The following NTN1 variants were observed in gnomAD, a reference collection of about 807,000 sequenced individuals.
The protein encoded by NTN1 is netrin 1, also known as netrin-1.
A neutral mutation model predicts 54.2 loss-of-function variants in NTN1; 11 were observed. The ratio of observed to expected loss-of-function variants is 0.20; its 90% CI spans 0.13 to 0.34. NTN1 has a LOEUF of 0.34. Among genes scored for constraint, NTN1 ranks in the 10% least tolerant of loss-of-function variants. The pLI, the probability that NTN1 is intolerant of heterozygous loss-of-function variation, is 1.00. For synonymous variants in NTN1, 371 were observed against 382.0 expected, an observed-to-expected ratio of 0.97 and a Z score of 0.33; for missense variants, 740 against 893.1, an observed-to-expected ratio of 0.83 and a Z score of 2.18.
intron 2 of NTN1, among the ~76,000 whole-genome samples, chr17:9,147,479 A>C (rs140528705): frequency 6.6e-6 from 1 of 152,132 alleles, no homozygotes; most frequent in Non-Finnish European, 1.5e-5. Flanking sequence ...GAGCCACTGC[A>C]CTCCAGCCTG....
chr17:9,029,850 G>A (rs2091883457), intron 2 of NTN1, among the ~76,000 whole-genome samples: 2 of 152,082 alleles, frequency 1.3e-5, no homozygotes, highest in Admixed American at 1.3e-4. Flanking sequence ...AAATTAGCTG[G>A]GCGTGGTGGC....
chr17:9,067,311 A>G (rs776526974), intron 2 of NTN1, among the ~76,000 whole-genome samples: 1 of 151,910 alleles, frequency 6.6e-6, no homozygotes. Flanking sequence ...TGGACATGAT[A>G]ATGTCTCCTA....
At chr17:9,120,436 G>C (rs998174099) in intron 2 of NTN1, among the ~76,000 whole-genome samples, 1 of 152,196 alleles carries the variant, frequency 6.6e-6, no homozygotes, top group South Asian at 2.1e-4. Context: ...ATGTCCAAGC[G>C]TGAGGGAACA....
At chr17:9,179,691 C>T (rs978467666) in intron 3 of NTN1, 116 bp from the exon 4 acceptor site, 25 of 1,306,638 alleles carry the variant, frequency 1.9e-5, no homozygotes, top group African/African-American at 1.0e-4. Flanking sequence ...TGCTCCCCAT[C>T]GCTGCTCTTC....
intron 5 of NTN1, among the ~76,000 whole-genome samples, chr17:9,200,255 G>C (rs1243309305): frequency 6.6e-6 from 1 of 152,232 alleles, no homozygotes; most frequent in Non-Finnish European, 1.5e-5. Flanking sequence ...GGACAGCTTT[G>C]TTTTCCCTGC....
At chr17:9,133,570 G>A (rs1377265497) in intron 2 of NTN1, among the ~76,000 whole-genome samples, 1 of 151,778 alleles carries the variant, frequency 6.6e-6, no homozygotes, top group Non-Finnish European at 1.5e-5. Flanking sequence ...ATTCTGTGCA[G>A]GGACCTTCTC....
chr17:9,050,376 A>G (rs1253103754), intron 2 of NTN1, among the ~76,000 whole-genome samples: 10 of 151,912 alleles, frequency 6.6e-5, no homozygotes, highest in Non-Finnish European at 1.5e-5. Context: ...GAATCATACA[A>G]ACCCTAGCTG....
the NTN1 span, among the ~76,000 whole-genome samples, chr17:9,007,984 C>T: frequency 6.6e-6 from 1 of 151,658 alleles, no homozygotes; most frequent in African/African-American, 2.4e-5. Context: ...CCTCAAGTGT[C>T]CTCCCACCTC....
chr17:9,045,487 G>A (rs770215817), intron 2 of NTN1, among the ~76,000 whole-genome samples: 2 of 151,896 alleles, frequency 1.3e-5, no homozygotes, highest in African/African-American at 2.4e-5. Context: ...CCAGCTTCAC[G>A]CCTGCCTCCA....
At chr17:9,092,319 C>CTTTTTTTT (rs148786553) in intron 2 of NTN1, among the ~76,000 whole-genome samples, 2 of 91,752 alleles carry the variant, frequency 2.2e-5, no homozygotes, top group African/African-American at 4.0e-5. Flanking sequence ...CTTTTCTTCT[C>CTTTTTTTT]TTTTTTTTTT....
chr17:9,188,305 A>G (rs4791813), intron 5 of NTN1, among the ~76,000 whole-genome samples: 136,557 of 151,622 alleles, frequency 0.9, 61,562 homozygotes, highest in East Asian at 1. Context: ...GTGCATGCCT[A>G]TAATCCCAGC....
chr17:9,186,095 C>T (rs1029291241), intron 5 of NTN1, among the ~76,000 whole-genome samples: 14 of 152,158 alleles, frequency 9.2e-5, no homozygotes, highest in Admixed American at 9.2e-4. Flanking sequence ...CAGGCAGAGG[C>T]CTGTGGGCGG....
intron 2 of NTN1, among the ~76,000 whole-genome samples, chr17:9,158,927 A>T (rs1450128950): frequency 6.6e-6 from 1 of 152,184 alleles, no homozygotes. Context: ...TTTCTCCTGC[A>T]TCCCACACTG....
At chr17:9,041,221 A>C (rs142952971) in intron 2 of NTN1, among the ~76,000 whole-genome samples, 287 of 152,356 alleles carry the variant, frequency 1.9e-3, no homozygotes, top group African/African-American at 6.4e-3. Flanking sequence ...TTCACATGTC[A>C]TACAATTCAC....
At chr17:9,034,583 C>T (rs2151510981) in intron 2 of NTN1, among the ~76,000 whole-genome samples, 1 of 151,860 alleles carries the variant, frequency 6.6e-6, no homozygotes. Context: ...CCACCAAGAC[C>T]AGCTAATTTT....
intron 2 of NTN1, among the ~76,000 whole-genome samples, chr17:9,074,932 C>T (rs2092044348): frequency 6.6e-6 from 1 of 152,218 alleles, no homozygotes; most frequent in Non-Finnish European, 1.5e-5. Context: ...TCTGCGTTTC[C>T]CAACACACAC....
At chr17:9,233,107 C>T (rs928974251) in intron 6 of NTN1, among the ~76,000 whole-genome samples, 8 of 151,980 alleles carry the variant, frequency 5.3e-5, no homozygotes, top group African/African-American at 1.9e-4. Context: ...CAGCCTCCTT[C>T]GGAGGGGGAA....
Position 9,211,289 on chromosome 17 carries a change from G to T in NTN1, c.1412-9879G>T, listed in dbSNP as rs891005055. Among the ~76,000 whole-genome samples the T allele has an allele frequency of 6.6e-6, 1 of 152,074 alleles. No individual in the cohort carries two copies. The highest frequency in any genetic ancestry group is 2.4e-5 in the African/African-American group (1 of 41,396). ...GGGATGCTCCTCCCTGCACTTCCTG[G>T]GGCTGATCCCTTGTCATCTGAGTGT... On this transcript the variant is annotated intron_variant, in intron 5 of 6. Coordinates refer to ENST00000173229, the MANE Select transcript of NTN1 (RefSeq NM_004822.3). The surrounding 1 kb of genome is among the most constrained non-coding windows in gnomAD (Gnocchi z 4.4).
intron 2 of NTN1, among the ~76,000 whole-genome samples, chr17:9,128,292 A>G (rs986177787): frequency 1.3e-4 from 19 of 146,024 alleles, no homozygotes; most frequent in African/African-American, 4.9e-4. Flanking sequence ...CCTAGGCAAC[A>G]CAGTGAGACT....
Sources: allele counts gnomAD v4.1 joint callset (sites outside exome capture counted in the v4.1 genomes callset), GRCh38; gene constraint gnomAD v4.1.1; non-coding constraint Gnocchi (gnomAD v3.1); transcripts MANE v1.5; gene names NCBI Gene and HGNC (gene_info 2026-07-23, HGNC 2026-07-21).